Variants in BPIFB1 observed in about 807,000 individuals in gnomAD.
BPIFB1 encodes the protein BPI fold containing family B member 1.
A neutral mutation model predicts 55.1 loss-of-function variants in BPIFB1; 34 were observed. The ratio of observed to expected loss-of-function variants is 0.62; its 90% CI spans 0.47 to 0.82. BPIFB1 has a LOEUF of 0.82. BPIFB1 is among the 40% of genes least tolerant of loss of function. The pLI is 0.00. For synonymous variants in BPIFB1, 236 were observed against 245.3 expected, an observed-to-expected ratio of 0.96 and a Z score of 0.35; for missense variants, 532 against 593.1, an observed-to-expected ratio of 0.90 and a Z score of 1.07.
chr20:33,304,729 AC>A lies in BPIFB1; in HGVS notation c.1209-116del. The A allele has an allele frequency of 3.1e-6, 4 of 1,289,346 alleles. No homozygotes were observed. The South Asian group carries it at 4.9e-5, about 16-fold the overall frequency. The allele number at this position is 1,289,346 out of a possible 1,614,324, so 79.9% of individuals were successfully genotyped here. A position where few individuals can be genotyped will look rare whatever the true frequency, so the allele number is the denominator to read the frequency against. On this transcript the variant is annotated intron_variant, in intron 12 of 15. Transcript: ENST00000253354. The stretch of plus-strand genomic sequence containing the variant: ...ACGACGCAAGGGCTTCATGTGGTTC[AC>A]TGGAGCCCGCACTGTGCCTGGCACA...
At position 33,289,993 on chromosome 20, in the gene BPIFB1, G is replaced by A. The variant is rs143585493; in HGVS notation, c.365+1G>A. 2.7e-5 allele frequency: 44 copies of A among 1,612,026 alleles called. No homozygotes were observed. The highest frequency in any genetic ancestry group is 1.6e-4 in the Middle Eastern group (1 of 6,084). On this transcript the variant is annotated splice_donor_variant, in intron 4 of 15. Coordinates refer to ENST00000253354, the MANE Select transcript of BPIFB1 (RefSeq NM_033197.3). LOFTEE classifies it high-confidence loss of function. ...TGGACATGGTGGCTGGATTCAACAC[G>A]TGAGTGACCCCTCCATCAAGTACAG...
intron 4 of BPIFB1, among the ~76,000 whole-genome samples, chr20:33,290,710 G>A (rs4911312): frequency 0.021 from 3,191 of 152,312 alleles, 267 homozygotes; most frequent in Admixed American, 0.15. Flanking sequence ...TGAGAAGCCC[G>A]TGAGACATCG....
intron 15 of BPIFB1, among the ~76,000 whole-genome samples, chr20:33,308,959 GCACATA>G (rs915927660): frequency 7.9e-6 from 1 of 126,596 alleles, no homozygotes; most frequent in Admixed American, 7.7e-5. Flanking sequence ...CACTACACAT[GCACATA>G]CACATACACA....
In BPIFB1 at chr20:33,303,198, A is replaced by C. The variant is rs1212150164; in HGVS notation, c.1140+124A>C. ...TCATCACTTAGCAGGGACAGGGGAC[A>C]GGGAGCTCTGAACCAAGAGCCAGGA... On this transcript the variant is annotated intron_variant, in intron 11 of 15. Transcript: ENST00000253354. 5 of 1,229,412 alleles carry C rather than the reference A, an allele frequency of 4.1e-6. No homozygotes were observed. In the African/African-American group the frequency reaches 6.0e-5, roughly 15 times the overall value. 76.2% of individuals were successfully genotyped at this position (1,229,412 alleles called of 1,614,324 possible).
rs201159777 is a variant in BPIFB1, at chr20:33,301,303, C to G, written c.818C>G (p.Pro273Arg). 5.0e-5 allele frequency: 80 copies of G among 1,614,076 alleles called. No individual in the cohort carries two copies. Among genetic ancestry groups the G allele is most frequent in the Non-Finnish European group, 6.4e-5 (75 of 1,180,048 alleles). The change falls in exon 9 of 16, where the codon CCC becomes CGC. Residue 273 changes from proline to arginine, a missense_variant. Transcript: ENST00000253354. ...FNNSAASLTM[P>R]TLDNIPFSLI... ...AACTCTGCAGCTTCCCTGACAATGC[C>G]CACCCTGGACAACATCCCGTTCAGC... is the stretch of plus-strand genomic sequence containing the variant.
At position 33,301,230 on chromosome 20, in the gene BPIFB1, C is replaced by G; in HGVS notation, c.748-3C>G. ...TAGCTGACTCCCTGCTCTGTCTCCTCAGGCCAAGTTGTTGGACTCACAGGG... is the reference window on the plus strand; with the variant it reads ...TAGCTGACTCCCTGCTCTGTCTCCTGAGGCCAAGTTGTTGGACTCACAGGG... On this transcript the variant is annotated splice_polypyrimidine_tract_variant and splice_region_variant and intron_variant, in intron 8 of 15. Transcript: ENST00000253354. The G allele has an allele frequency of 6.2e-7, 1 of 1,613,796 alleles. No homozygotes were observed. The highest frequency in any genetic ancestry group is 8.5e-7 in the Non-Finnish European group (1 of 1,179,704).
At chr20:33,294,388 A>G (rs915123504) in intron 6 of BPIFB1, among the ~76,000 whole-genome samples, 7 of 152,238 alleles carry the variant, frequency 4.6e-5, no homozygotes, top group African/African-American at 1.7e-4. Context: ...AATATAATGA[A>G]TTGTGTGATC....
At chr20:33,297,656 C>A in intron 7 of BPIFB1, 68 bp downstream of exon 7, 1 of 1,550,244 alleles carries the variant, frequency 6.5e-7, no homozygotes, top group Non-Finnish European at 8.9e-7. Context: ...CCTGACTCCA[C>A]CAAGGGAAGG....
intron 14 of BPIFB1, 63 bp from the exon 15 acceptor site, chr20:33,306,848 C>A: frequency 7.1e-7 from 1 of 1,414,734 alleles, no homozygotes; most frequent in Non-Finnish European, 1.0e-6. Context: ...AACCCTGAGC[C>A]TGCCCCTGGC....
rs373099188 is a variant in BPIFB1, at chr20:33,303,052, G to A, written c.1118G>A (p.Arg373His). 13 of 1,613,804 alleles carry A rather than the reference G, an allele frequency of 8.1e-6. No individual in the cohort carries two copies. The highest frequency in any genetic ancestry group is 1.7e-4 in the Middle Eastern group (1 of 5,900). ...LEVFPSSEAL[R>H]PLFTLGIEAS... The stretch of plus-strand genomic sequence containing the variant: ...GTGTTTCCCTCCAGTGAAGCCCTCC[G>A]CCCTTTGTTCACCCTGGGCATCGTG... Residue 373 changes from arginine to histidine, a missense_variant, in exon 11 of 16, where the codon CGC becomes CAC. Transcript: ENST00000253354.
At chr20:33,302,478 A>G in intron 10 of BPIFB1, 66 bp downstream of exon 10, 1 of 1,535,456 alleles carries the variant, frequency 6.5e-7, no homozygotes, top group South Asian at 1.1e-5. Context: ...GCCTCTGGGG[A>G]GGAGAATCTA....
At chr20:33,289,034 C>T (rs1454665099) in intron 3 of BPIFB1, 152 bp downstream of exon 3, 1 of 938,878 alleles carries the variant, frequency 1.1e-6, no homozygotes, top group East Asian at 2.7e-5. Context: ...AAGAAGCTCC[C>T]AGAATAGTTA....
intron 6 of BPIFB1, among the ~76,000 whole-genome samples, chr20:33,293,930 T>A (rs368575117): frequency 6.5e-4 from 99 of 152,360 alleles, no homozygotes; most frequent in African/African-American, 2.3e-3. Flanking sequence ...TTTATTTTTC[T>A]CCAAGTTGGC....
At chr20:33,292,073 C>A in intron 6 of BPIFB1, 85 bp downstream of exon 6, 1 of 1,212,850 alleles carries the variant, frequency 8.2e-7, no homozygotes, top group Non-Finnish European at 1.2e-6. Context: ...TGCTAAGTGA[C>A]TGGAGTCTCC....
intron 7 of BPIFB1, chr20:33,299,074 A>G: frequency 2.2e-6 from 1 of 446,568 alleles, no homozygotes; most frequent in Non-Finnish European, 4.5e-6. Flanking sequence ...ATTTTAGTAC[A>G]TGTGCTGCCC....
chr20:33,304,546 G>A (rs546523356), intron 12 of BPIFB1, among the ~76,000 whole-genome samples: 7 of 152,232 alleles, frequency 4.6e-5, no homozygotes, highest in South Asian at 4.1e-4. Context: ...ACAAACTGTC[G>A]AGCCAGGAAT....
chr20:33,289,929 C>A lies in BPIFB1; in HGVS notation c.302C>A (p.Pro101His), dbSNP rs1489613223. Residue 101 changes from proline to histidine, a missense_variant, in exon 4 of 16, where the codon CCC becomes CAC. By Grantham distance (77) the Pro-to-His change is moderately conservative (BLOSUM62 -2). Coordinates refer to ENST00000253354, the MANE Select transcript of BPIFB1 (RefSeq NM_033197.3). Reference sequence around the variant, plus strand: ...AACATCCTCCAGCTGCAGGTGAAGCCCTCGGCCAATGACCAGGAGCTGCTA... The same window carrying A: ...AACATCCTCCAGCTGCAGGTGAAGCACTCGGCCAATGACCAGGAGCTGCTA... The part of the protein sequence containing the change: ...TANILQLQVK[P>H]SANDQELLVK... 6.2e-7 allele frequency: 1 copy of A among 1,614,150 alleles called. No individual in the cohort carries two copies. The highest frequency in any genetic ancestry group is 8.5e-7 in the Non-Finnish European group (1 of 1,180,028).
chr20:33,290,298 G>A (rs1980423127), intron 4 of BPIFB1, among the ~76,000 whole-genome samples: 1 of 152,196 alleles, frequency 6.6e-6, no homozygotes, highest in Admixed American at 6.5e-5. Flanking sequence ...AGGATTCTGA[G>A]CAGAGGAGGG....
intron 3 of BPIFB1, 131 bp from the exon 4 acceptor site, chr20:33,289,753 AG>A: frequency 1.4e-6 from 1 of 725,502 alleles, no homozygotes. Context: ...CCATCTGGAG[AG>A]GAGTCGGTGG....
Sources: gnomAD v4.1 joint callset for allele counts (sites outside exome capture counted in the v4.1 genomes callset) on GRCh38, gnomAD v4.1.1 for gene constraint, MANE v1.5 for transcripts, NCBI Gene and HGNC (gene_info 2026-07-23, HGNC 2026-07-21) for gene names.